DOCK1: variants seen among roughly 807,000 people sequenced by gnomAD.
DOCK1 encodes dedicator of cytokinesis 1.
In DOCK1, 138 loss-of-function variants were observed where a neutral mutation model predicts 262.7. That is an observed-to-expected ratio of 0.53 (90% CI 0.46 to 0.61). The LOEUF (loss-of-function observed/expected upper bound fraction) is 0.61. Among genes scored for constraint, DOCK1 ranks in the 20% least tolerant of loss-of-function variants. The pLI is 0.00. For missense variants in DOCK1, 1,908 were observed against 2,370.7 expected (o/e 0.80, Z 4.05); for synonymous variants, 866 against 867.4 (o/e 1.00, Z 0.03).
At chr10:127,360,224 C>T (rs1209463236) in intron 32 of DOCK1, among the ~76,000 whole-genome samples, 1 of 152,172 alleles carries the variant, frequency 6.6e-6, no homozygotes, top group African/African-American at 2.4e-5. Flanking sequence ...CCTCCCTCTC[C>T]CATCTCTCTG....
At chr10:127,134,799 C>T (rs1237792125) in intron 27 of DOCK1, among the ~76,000 whole-genome samples, 3 of 152,132 alleles carry the variant, frequency 2.0e-5, no homozygotes, top group African/African-American at 7.2e-5. Context: ...GTGCCCTCTC[C>T]CTTGCACATG....
chr10:127,361,464 G>T (rs1485513296), intron 32 of DOCK1, among the ~76,000 whole-genome samples: 1 of 152,100 alleles, frequency 6.6e-6, no homozygotes, highest in Non-Finnish European at 1.5e-5. Context: ...AGCTCGAAAA[G>T]GTAGAATCAC....
At chr10:127,269,888 A>G (rs948570187) in intron 29 of DOCK1, among the ~76,000 whole-genome samples, 27 of 152,218 alleles carry the variant, frequency 1.8e-4, no homozygotes. Flanking sequence ...TGGCATAACG[A>G]GAATAGAGAG....
At chr10:127,298,065 T>C (rs1590330050) in intron 29 of DOCK1, among the ~76,000 whole-genome samples, 1 of 152,310 alleles carries the variant, frequency 6.6e-6, no homozygotes, top group Admixed American at 6.5e-5. Flanking sequence ...GGGAAAATAA[T>C]CCATTAAGTG....
chr10:127,012,218 C>T lies in DOCK1; in HGVS notation c.1059-14C>T. On this transcript the variant is annotated splice_polypyrimidine_tract_variant and intron_variant, in intron 11 of 51. Transcript: ENST00000623213. The surrounding 1 kb of genome is among the most constrained non-coding windows in gnomAD (Gnocchi z 4.0). ...CTTTGTCTCCTGTGGTCTTGGTCGT[C>T]CCGTGCCCTCCAGGCTCGCGTTGGA... The T allele has an allele frequency of 6.9e-7, 1 of 1,458,676 alleles. No individual in the cohort carries two copies. The highest frequency in any genetic ancestry group is 9.6e-7 in the Non-Finnish European group (1 of 1,039,188). The allele number at this position is 1,458,676 out of a possible 1,614,324, so 90.4% of individuals were successfully genotyped here. A position where few individuals can be genotyped will look rare whatever the true frequency, so the allele number is the denominator to read the frequency against.
intron 13 of DOCK1, among the ~76,000 whole-genome samples, chr10:127,021,344 T>G (rs1158581218): frequency 1.3e-5 from 2 of 152,170 alleles, no homozygotes; most frequent in African/African-American, 4.8e-5. Context: ...CTTTTTATTT[T>G]AATAGAGACG....
chr10:127,272,071 C>G (rs74158646), intron 29 of DOCK1: 3 of 152,216 alleles, frequency 2.0e-5, no homozygotes, highest in Non-Finnish European at 2.9e-5. Flanking sequence ...CTGCTGTGCA[C>G]GATTACTTGC....
chr10:127,393,918 A>G (rs10765058), intron 38 of DOCK1, among the ~76,000 whole-genome samples: 33,890 of 151,324 alleles, frequency 0.22, 4,240 homozygotes, highest in African/African-American at 0.34. Context: ...CTCTTTTTCC[A>G]TTCCATTCTT....
At chr10:127,191,220 T>C (rs954904659) in intron 27 of DOCK1, among the ~76,000 whole-genome samples, 1 of 152,154 alleles carries the variant, frequency 6.6e-6, no homozygotes, top group Non-Finnish European at 1.5e-5. Context: ...TCTCCTATCC[T>C]GATTCTACCT....
At chr10:127,351,146 G>A (rs908388167) in intron 31 of DOCK1, among the ~76,000 whole-genome samples, 4 of 152,162 alleles carry the variant, frequency 2.6e-5, no homozygotes, top group Non-Finnish European at 4.4e-5. Flanking sequence ...AAATTCACAC[G>A]ATTTTATGTC....
rs574601041 is a variant in DOCK1, at chr10:127,420,424, C to T, written c.4776+675C>T. The stretch of plus-strand genomic sequence containing the variant: ...GAGCCAGTCCTCACAAGAGCTTGGC[C>T]GGCACCAGCCTGCTCTGCTGCTTTA... On this transcript the variant is annotated intron_variant, in intron 46 of 51. Transcript: ENST00000623213. 2.8e-4 allele frequency among the ~76,000 whole-genome samples: 42 copies of T among 152,222 alleles called. 1 individual carries two copies. The South Asian group carries it at 7.7e-3, about 28-fold the overall frequency.
intron 14 of DOCK1, among the ~76,000 whole-genome samples, chr10:127,024,323 G>C (rs1433782323): frequency 2.6e-5 from 4 of 152,200 alleles, no homozygotes; most frequent in African/African-American, 7.2e-5. Flanking sequence ...TGGAGGAAGG[G>C]GAGGGGAGGG....
chr10:127,353,372 A>G (rs985153209), intron 31 of DOCK1, among the ~76,000 whole-genome samples: 2 of 152,154 alleles, frequency 1.3e-5, no homozygotes, highest in Non-Finnish European at 2.9e-5. Flanking sequence ...GCCTCCAAGC[A>G]GTGTTCAGGT....
At chr10:127,064,138 T>C (rs1335904241) in intron 23 of DOCK1, among the ~76,000 whole-genome samples, 1 of 152,232 alleles carries the variant, frequency 6.6e-6, no homozygotes, top group Non-Finnish European at 1.5e-5. Context: ...ACTGTGACAT[T>C]TAAAGGTTAA....
At chr10:127,358,994 C>T (rs1170894449) in intron 32 of DOCK1, among the ~76,000 whole-genome samples, 1 of 152,166 alleles carries the variant, frequency 6.6e-6, no homozygotes, top group Admixed American at 6.5e-5. Context: ...AAATATTCTC[C>T]TCGTCACCTT....
chr10:126,938,376 C>CT lies in DOCK1; in HGVS notation c.47-32326_47-32325insT, dbSNP rs1344599474. Among the ~76,000 whole-genome samples, 299 of 152,240 alleles carry CT rather than the reference C, an allele frequency of 2.0e-3. 2 individuals are homozygous for CT. The highest frequency in any genetic ancestry group is 6.8e-3 in the African/African-American group (283 of 41,558). On this transcript the variant is annotated intron_variant, in intron 1 of 51. Coordinates refer to ENST00000623213, the MANE Select transcript of DOCK1 (RefSeq NM_001290223.2). ...CTTCATTTTTTTGCTTGTGAATATC[C>CT]AGTCTTCAGCCATTTGTTGAAACCA...
chr10:126,921,510 C>A (rs1013473449), intron 1 of DOCK1, among the ~76,000 whole-genome samples: 1 of 152,166 alleles, frequency 6.6e-6, no homozygotes, highest in Admixed American at 6.5e-5. Context: ...ATAGGCAAAT[C>A]TGTAGGCACA....
At chr10:126,984,843 C>T (rs1041508911) in intron 4 of DOCK1, among the ~76,000 whole-genome samples, 5 of 151,942 alleles carry the variant, frequency 3.3e-5, no homozygotes, top group African/African-American at 1.2e-4. Context: ...TCAGCAATTT[C>T]GAGTATACAA....
At position 127,030,788 on chromosome 10, in the gene DOCK1, ATCTCTATCTCTG is replaced by A. The variant is rs1277668079; in HGVS notation, c.1625-856_1625-845del. On this transcript the variant is annotated intron_variant, in intron 16 of 51. Transcript: ENST00000623213. ...GATCAACAAGATTCTCTATCAATCT[ATCTCTATCTCTG>A]TCTCTGTCTCTGTCTCTGTCTCTAT... 7.8e-3 allele frequency among the ~76,000 whole-genome samples: 1,174 copies of A among 150,812 alleles called. 19 individuals are homozygous for A. The highest frequency in any genetic ancestry group is 0.027 in the African/African-American group (1,104 of 41,016).
Sources: allele counts gnomAD v4.1 joint callset (sites outside exome capture counted in the v4.1 genomes callset), GRCh38; gene constraint gnomAD v4.1.1; non-coding constraint Gnocchi (gnomAD v3.1); transcripts MANE v1.5; gene names NCBI Gene and HGNC (gene_info 2026-07-23, HGNC 2026-07-21).